FYB2: variants seen among roughly 807,000 people sequenced by gnomAD.
The protein encoded by FYB2 is FYN-binding protein 2.
In FYB2, 103 loss-of-function variants were observed where a neutral mutation model predicts 94.1. The ratio of observed to expected loss-of-function variants is 1.09; its 90% CI spans 0.93 to 1.29. FYB2 has a LOEUF of 1.29. Among genes scored for constraint, FYB2 ranks in the 50% most tolerant of loss-of-function variants. The pLI, the probability that FYB2 is intolerant of heterozygous loss-of-function variation, is 0.00. For synonymous variants in FYB2, 293 were observed against 287.9 expected (o/e 1.02, Z -0.18); for missense variants, 896 against 841.5 (o/e 1.06, Z -0.80).
chr1:56,742,067 T>TG (rs1340983311), intron 12 of FYB2, 94 bp downstream of exon 12: 99 of 974,774 alleles, frequency 1.0e-4, no homozygotes, highest in Non-Finnish European at 1.4e-4. Context: ...GCAGTGGGGC[T>TG]GGGGGGCGGA....
At chr1:56,753,236 C>T (rs1318698088) in intron 8 of FYB2, among the ~76,000 whole-genome samples, 1 of 151,996 alleles carries the variant, frequency 6.6e-6, no homozygotes, top group African/African-American at 2.4e-5. Context: ...CTCCTGCCAC[C>T]CAACTGCTTT....
chr1:56,749,454 A>G (rs1281469999), intron 9 of FYB2, among the ~76,000 whole-genome samples: 1 of 151,824 alleles, frequency 6.6e-6, no homozygotes, highest in Non-Finnish European at 1.5e-5. Flanking sequence ...TAGTTCACTA[A>G]TTTTCTCTTC....
At chr1:56,803,181 T>C (rs1159500799) in intron 1 of FYB2, among the ~76,000 whole-genome samples, 5 of 152,206 alleles carry the variant, frequency 3.3e-5, no homozygotes, top group Admixed American at 2.6e-4. Flanking sequence ...AATCCTAGTG[T>C]GGTCTGAGAC....
intron 4 of FYB2, among the ~76,000 whole-genome samples, chr1:56,783,699 C>CGTGT (rs144286316): frequency 6.6e-6 from 1 of 151,136 alleles, no homozygotes; most frequent in Non-Finnish European, 1.5e-5. Flanking sequence ...AACAAAGAAG[C>CGTGT]GTGTGTGTGT....
chr1:56,759,945 G>A (rs1645448298), intron 5 of FYB2, among the ~76,000 whole-genome samples: 1 of 152,114 alleles, frequency 6.6e-6, no homozygotes, highest in Non-Finnish European at 1.5e-5. Context: ...GTCAGGCACA[G>A]TGGCAGGCCT....
chr1:56,755,604 A>G (rs1645308948), intron 7 of FYB2, among the ~76,000 whole-genome samples: 1 of 152,140 alleles, frequency 6.6e-6, no homozygotes, highest in South Asian at 2.1e-4. Flanking sequence ...CCTGAAAGCA[A>G]TAGCGAGGTC....
chr1:56,795,325 G>A (rs1045198933), intron 1 of FYB2, among the ~76,000 whole-genome samples: 6 of 151,824 alleles, frequency 4.0e-5, no homozygotes, highest in African/African-American at 1.5e-4. Context: ...CCTTTTTAAG[G>A]CTAAATAATA....
chr1:56,794,416 A>C (rs925683385), intron 1 of FYB2, among the ~76,000 whole-genome samples: 4 of 152,198 alleles, frequency 2.6e-5, no homozygotes, highest in African/African-American at 9.6e-5. Flanking sequence ...AAGAGCCACT[A>C]TCCTCTCCTG....
chr1:56,794,714 C>A (rs1646354899), intron 1 of FYB2, among the ~76,000 whole-genome samples: 1 of 152,024 alleles, frequency 6.6e-6, no homozygotes, highest in African/African-American at 2.4e-5. Context: ...ACATAGCCAG[C>A]AGACAAGTTA....
At chr1:56,820,888 G>A (rs767408785), upstream of FYB2, among the ~76,000 whole-genome samples, 3 of 152,116 alleles carry the variant, frequency 2.0e-5, no homozygotes, top group Admixed American at 1.3e-4. Flanking sequence ...TTGTGTAATC[G>A]TGCTGATATT....
chr1:56,810,469 T>C (rs1054927976), intron 1 of FYB2, among the ~76,000 whole-genome samples: 1 of 152,000 alleles, frequency 6.6e-6, no homozygotes, highest in Non-Finnish European at 1.5e-5. Context: ...CTGTAAACAT[T>C]TAGTTCTGCT....
intron 6 of FYB2, 59 bp from the exon 7 acceptor site, chr1:56,755,986 T>G (rs1428809827): frequency 3.3e-6 from 5 of 1,530,136 alleles, no homozygotes; most frequent in Non-Finnish European, 4.5e-6. Context: ...GGCTCTGTTG[T>G]TTGGTTACAG....
At chr1:56,813,152 G>A (rs950720270) in intron 1 of FYB2, among the ~76,000 whole-genome samples, 1 of 152,070 alleles carries the variant, frequency 6.6e-6, no homozygotes, top group South Asian at 2.1e-4. Context: ...CATTTTATAA[G>A]GACATCAGTC....
chr1:56,731,023 T>C (rs1359580464), intron 15 of FYB2, among the ~76,000 whole-genome samples: 2 of 152,036 alleles, frequency 1.3e-5, no homozygotes, highest in South Asian at 2.1e-4. Context: ...CAGTGAATCA[T>C]GATCATGCCA....
chr1:56,726,404 A>T lies in FYB2; in HGVS notation c.1880+93T>A, dbSNP rs76408086. On this transcript the variant is annotated intron_variant, in intron 16 of 19. Coordinates refer to ENST00000343433, the MANE Select transcript of FYB2 (RefSeq NM_001004303.5). ...CATCTTGTAGATGAAACAGCTGAGA[A>T]TCAAATTTCATTACTTATCTGAGGC... The T allele has an allele frequency of 3.2e-3, 3,714 of 1,167,976 alleles. 87 individuals carry two copies. In the African/African-American group the frequency reaches 0.05, roughly 16 times the overall value. 72.4% of individuals were successfully genotyped at this position (1,167,976 alleles called of 1,614,324 possible).
In FYB2 at chr1:56,803,049, G is replaced by T. The variant is rs1646557575; in HGVS notation, c.10-10246C>A. Among the ~76,000 whole-genome samples, 3 of 152,100 alleles carry T rather than the reference G, an allele frequency of 2.0e-5. No individual in the cohort carries two copies. In the South Asian group the frequency reaches 6.2e-4, roughly 32 times the overall value. Reference sequence around the variant, plus strand: ...TTGAAACATTGCTTGGATTCTCTGAGATTTAGTTTCAGCACCAATTTAGGT... The same window carrying T: ...TTGAAACATTGCTTGGATTCTCTGATATTTAGTTTCAGCACCAATTTAGGT... On this transcript the variant is annotated intron_variant, in intron 1 of 19. Coordinates refer to ENST00000343433, the MANE Select transcript of FYB2 (RefSeq NM_001004303.5).
At chr1:56,791,882 C>CT (rs143591946) in intron 2 of FYB2, among the ~76,000 whole-genome samples, 174 bp downstream of exon 2, 3,167 of 152,274 alleles carry the variant, frequency 0.021, 46 homozygotes, top group South Asian at 0.074. Flanking sequence ...AGATTAAGCA[C>CT]TTTACTCAAA....
chr1:56,781,407 A>T (rs928328368), intron 4 of FYB2, among the ~76,000 whole-genome samples: 2 of 152,168 alleles, frequency 1.3e-5, no homozygotes, highest in African/African-American at 4.8e-5. Flanking sequence ...ACAAATCTTT[A>T]ATCCGTCAAC....
intron 9 of FYB2, among the ~76,000 whole-genome samples, chr1:56,746,263 T>G (rs1324435552): frequency 6.6e-6 from 1 of 152,062 alleles, no homozygotes; most frequent in Non-Finnish European, 1.5e-5. Flanking sequence ...GAATTTCGAA[T>G]GATTTGAATG....
Sources: allele counts gnomAD v4.1 joint callset (sites outside exome capture counted in the v4.1 genomes callset), GRCh38; gene constraint gnomAD v4.1.1; transcripts MANE v1.5; gene names NCBI Gene and HGNC (gene_info 2026-07-23, HGNC 2026-07-21).